AUTS2: variants seen among roughly 807,000 people sequenced by gnomAD.
AUTS2 encodes the protein autism susceptibility gene 2 protein.
In AUTS2, 17 loss-of-function variants were observed where a neutral mutation model predicts 112.4. The observed-to-expected ratio is 0.15, with a 90% CI of 0.10 to 0.23. The LOEUF (loss-of-function observed/expected upper bound fraction) is 0.23. Ranked by LOEUF, AUTS2 falls within the 10% of genes least tolerant of loss-of-function variation. AUTS2 has a pLI of 1.00. For synonymous variants in AUTS2, 751 were observed against 702.7 expected (o/e 1.07, Z -1.09); for missense variants, 1,510 against 1,701.6 (o/e 0.89, Z 1.98).
chr7:70,776,854 C>T (rs767902368), intron 13 of AUTS2: 16 of 526,412 alleles, frequency 3.0e-5, no homozygotes, highest in African/African-American at 7.7e-5. Context: ...CCTTGGTAAC[C>T]GGGGAGGCCC....
chr7:70,210,768 A>G (rs1810838229), intron 4 of AUTS2, among the ~76,000 whole-genome samples: 1 of 152,202 alleles, frequency 6.6e-6, no homozygotes, highest in African/African-American at 2.4e-5. Context: ...ATGTGGTAAC[A>G]TTTTAAGACT....
intron 4 of AUTS2, among the ~76,000 whole-genome samples, chr7:70,361,056 C>T (rs967255400): frequency 6.6e-6 from 1 of 152,124 alleles, no homozygotes; most frequent in Non-Finnish European, 1.5e-5. Flanking sequence ...ATATAAAAAT[C>T]GATTCTTGGC....
chr7:70,599,307 G>T (rs1803356747), intron 5 of AUTS2, among the ~76,000 whole-genome samples: 1 of 152,214 alleles, frequency 6.6e-6, no homozygotes, highest in South Asian at 2.1e-4. Context: ...CCATGGCCTG[G>T]ATCTCAAGGA....
chr7:69,634,364 C>T (rs963895682), intron 1 of AUTS2, among the ~76,000 whole-genome samples: 1 of 152,104 alleles, frequency 6.6e-6, no homozygotes. Context: ...TCGTGATCCG[C>T]CCGCCTCGGC....
rs1805540737 is a variant in AUTS2 at position 70,636,506 on chromosome 7, T to A, written c.691-62063T>A. Reference sequence around the variant, plus strand: ...CAGGAGACCTGCGTTCAAGTCCCCCTCTTATGGATACATTTTGTGGGACCT... The same window carrying A: ...CAGGAGACCTGCGTTCAAGTCCCCCACTTATGGATACATTTTGTGGGACCT... On this transcript the variant is annotated intron_variant, in intron 5 of 18. Transcript: ENST00000342771. 1.3e-5 allele frequency among the ~76,000 whole-genome samples: 2 copies of A among 152,174 alleles called. 1 individual carries two copies. Among genetic ancestry groups the A allele is most frequent in the African/African-American group, 4.8e-5 (2 of 41,436 alleles).
chr7:69,814,866 G>C (rs1790691345), intron 1 of AUTS2, among the ~76,000 whole-genome samples: 1 of 152,234 alleles, frequency 6.6e-6, no homozygotes. Flanking sequence ...CAGTGTTGTG[G>C]CCAACAGAAA....
intron 5 of AUTS2, among the ~76,000 whole-genome samples, chr7:70,492,351 C>T (rs566682465): frequency 7.2e-4 from 109 of 151,902 alleles, no homozygotes; most frequent in Non-Finnish European, 1.2e-3. Flanking sequence ...CTGATGCTGG[C>T]GAGAGGGGAG....
At chr7:69,692,309 A>G (rs574777831) in intron 1 of AUTS2, among the ~76,000 whole-genome samples, 3 of 152,324 alleles carry the variant, frequency 2.0e-5, no homozygotes, top group Middle Eastern at 3.4e-3. Flanking sequence ...AGGAGTTTTT[A>G]TAGAAACACT....
intron 5 of AUTS2, among the ~76,000 whole-genome samples, chr7:70,505,029 T>G (rs1798910047): frequency 6.6e-6 from 1 of 152,190 alleles, no homozygotes; most frequent in Non-Finnish European, 1.5e-5. Context: ...ATCAGAGATT[T>G]CAAGAGAGGT....
chr7:69,962,053 G>A (rs536102681), intron 2 of AUTS2, among the ~76,000 whole-genome samples: 4 of 152,256 alleles, frequency 2.6e-5, no homozygotes, highest in East Asian at 1.9e-4. Context: ...CGTATGGCAA[G>A]GGAGGAATAT....
intron 1 of AUTS2, among the ~76,000 whole-genome samples, chr7:69,793,216 A>G (rs911709245): frequency 2.6e-5 from 4 of 152,162 alleles, no homozygotes; most frequent in Non-Finnish European, 5.9e-5. Flanking sequence ...ACTGGTAACT[A>G]TCTAAGACCT....
At chr7:70,183,638 T>C (rs1265966368) in intron 4 of AUTS2, among the ~76,000 whole-genome samples, 2 of 152,106 alleles carry the variant, frequency 1.3e-5, no homozygotes, top group African/African-American at 2.4e-5. Flanking sequence ...TTCCCTTTCC[T>C]CTTCCTTCTG....
intron 4 of AUTS2, among the ~76,000 whole-genome samples, chr7:70,362,930 CG>C (rs757492542): frequency 1.3e-5 from 2 of 152,022 alleles, no homozygotes; most frequent in Non-Finnish European, 2.9e-5. Context: ...CAGTAAGAGA[CG>C]GGTGTTAAAG....
At chr7:70,735,981 G>A (rs551319710) in intron 6 of AUTS2, among the ~76,000 whole-genome samples, 1 of 152,174 alleles carries the variant, frequency 6.6e-6, no homozygotes, top group East Asian at 1.9e-4. Context: ...ATAAAATGGA[G>A]TTTGGATTTG....
intron 6 of AUTS2, among the ~76,000 whole-genome samples, chr7:70,752,005 A>G (rs4718993): frequency 0.46 from 70,296 of 151,604 alleles, 17,170 homozygotes; most frequent in East Asian, 0.73. Context: ...GATTACAGGT[A>G]TAAGCTGCCA....
intron 3 of AUTS2, among the ~76,000 whole-genome samples, chr7:70,128,743 G>C (rs1806111419): frequency 6.6e-6 from 1 of 152,302 alleles, no homozygotes; most frequent in East Asian, 1.9e-4. Flanking sequence ...TGTATGGCTG[G>C]AAACAACAGA....
intron 1 of AUTS2, among the ~76,000 whole-genome samples, chr7:69,659,475 C>CCG (rs999037814): frequency 1.3e-5 from 2 of 148,902 alleles, no homozygotes; most frequent in African/African-American, 5.0e-5. Flanking sequence ...TTTCAAAACG[C>CCG]CGCTATACCT....
intron 4 of AUTS2, among the ~76,000 whole-genome samples, chr7:70,274,023 G>A (rs962742355): frequency 3.9e-5 from 6 of 152,024 alleles, no homozygotes. Flanking sequence ...TAATAGTAGG[G>A]CATCTTTCTC....
At chr7:70,488,734 C>T (rs752895315) in intron 5 of AUTS2, among the ~76,000 whole-genome samples, 1 of 152,100 alleles carries the variant, frequency 6.6e-6, no homozygotes, top group Non-Finnish European at 1.5e-5. Context: ...CCTGGGAGGA[C>T]CTTTCAGCCT....
Sources: allele counts gnomAD v4.1 joint callset (sites outside exome capture counted in the v4.1 genomes callset), GRCh38; gene constraint gnomAD v4.1.1; transcripts MANE v1.5; gene names NCBI Gene and HGNC (gene_info 2026-07-23, HGNC 2026-07-21).